The following SOX5 variants were observed in gnomAD, a reference collection of about 807,000 sequenced individuals.
The protein encoded by SOX5 is SRY-box transcription factor 5, also known as transcription factor SOX-5.
Under a neutral mutation model 92.0 loss-of-function variants are expected in SOX5, and 9 were observed. The ratio of observed to expected loss-of-function variants is 0.10; its 90% CI spans 0.06 to 0.17. The LOEUF (loss-of-function observed/expected upper bound fraction) is 0.17. SOX5 is among the 10% of genes least tolerant of loss of function. SOX5 has a pLI of 1.00. For missense variants in SOX5, 642 were observed against 944.5 expected (o/e 0.68, Z 4.20); for synonymous variants, 344 against 336.3 (o/e 1.02, Z -0.25).
At chr12:23,765,614 A>G (rs2094701435) in intron 3 of SOX5, among the ~76,000 whole-genome samples, 1 of 152,028 alleles carries the variant, frequency 6.6e-6, no homozygotes, top group African/African-American at 2.4e-5. Context: ...AAAATTAGTT[A>G]TGTATAATCT....
chr12:23,904,615 T>C (rs1248512828), intron 1 of SOX5, among the ~76,000 whole-genome samples: 1 of 152,200 alleles, frequency 6.6e-6, no homozygotes, highest in Non-Finnish European at 1.5e-5. Context: ...AATCTGAGTT[T>C]ATACAAAATA....
At chr12:23,789,243 A>G (rs1231526562) in intron 3 of SOX5, among the ~76,000 whole-genome samples, 1 of 152,080 alleles carries the variant, frequency 6.6e-6, no homozygotes, top group Admixed American at 6.5e-5. Flanking sequence ...TAAAAAAAAA[A>G]AACATTAAAT....
intron 1 of SOX5, among the ~76,000 whole-genome samples, chr12:24,423,259 A>T (rs1178549973): frequency 1.3e-5 from 2 of 152,218 alleles, no homozygotes; most frequent in South Asian, 2.1e-4. Flanking sequence ...TGTTGGTGAC[A>T]TTTATAAAGT....
rs143413316 is a variant in SOX5, at chr12:23,552,370, C to T, written c.1489-5946G>A. ...TTTTAATAGGTGTTGGAATGCAGACCGGGGAAACTCAATGATAATAATTGC... is the reference window on the plus strand; with the variant it reads ...TTTTAATAGGTGTTGGAATGCAGACTGGGGAAACTCAATGATAATAATTGC... On this transcript the variant is annotated intron_variant, in intron 11 of 14. Transcript: ENST00000451604. Among the ~76,000 whole-genome samples the T allele has an allele frequency of 2.7e-3, 415 of 151,452 alleles. 1 individual carries two copies. The highest frequency in any genetic ancestry group is 8.9e-3 in the African/African-American group (367 of 41,342).
At chr12:23,983,607 A>G (rs1253128199) in intron 4 of SOX5, among the ~76,000 whole-genome samples, 1 of 152,204 alleles carries the variant, frequency 6.6e-6, no homozygotes, top group African/African-American at 2.4e-5. Flanking sequence ...AATATCTTGA[A>G]AGCATAAATC....
At chr12:23,590,661 T>C (rs993967136) in intron 9 of SOX5, among the ~76,000 whole-genome samples, 1 of 152,084 alleles carries the variant, frequency 6.6e-6, no homozygotes, top group Admixed American at 6.6e-5. Flanking sequence ...GTACTGTGTG[T>C]TAATTGCTGT....
intron 1 of SOX5, among the ~76,000 whole-genome samples, chr12:24,433,578 G>A (rs1938796474): frequency 6.6e-6 from 1 of 152,052 alleles, no homozygotes; most frequent in South Asian, 2.1e-4. Context: ...GAAAACTGAG[G>A]GGGAAAAAAT....
intron 3 of SOX5, among the ~76,000 whole-genome samples, chr12:24,236,213 G>C (rs1167181456): frequency 6.6e-6 from 1 of 151,544 alleles, no homozygotes; most frequent in Non-Finnish European, 1.5e-5. Flanking sequence ...TAAATAAATA[G>C]ATAAATAAAA....
At chr12:23,991,567 A>T (rs2136266789) in intron 4 of SOX5, among the ~76,000 whole-genome samples, 1 of 152,198 alleles carries the variant, frequency 6.6e-6, no homozygotes, top group African/African-American at 2.4e-5. Context: ...ATTCAAAACT[A>T]CAAATAACGA....
At chr12:23,599,078 T>C (rs932833877) in intron 9 of SOX5, among the ~76,000 whole-genome samples, 1 of 152,242 alleles carries the variant, frequency 6.6e-6, no homozygotes, top group Admixed American at 6.5e-5. Context: ...CGTGAAACTA[T>C]GTGATTGGTA....
Position 24,120,735 on chromosome 12 carries a change from T to C in SOX5, c.-2+92608A>G, listed in dbSNP as rs527606547. Among the ~76,000 whole-genome samples, 4 of 152,362 alleles carry C rather than the reference T, an allele frequency of 2.6e-5. No individual in the cohort carries two copies. In the South Asian group the frequency reaches 8.3e-4, roughly 32 times the overall value. On this transcript the variant is annotated intron_variant, in intron 4 of 4. Transcript: ENST00000446891. ...AATACACTATATCTGTAACTTTTTC[T>C]TATGGCAGAGAATTGAAATGGATGA...
intron 6 of SOX5, among the ~76,000 whole-genome samples, chr12:23,667,691 G>A (rs1047011814): frequency 1.3e-5 from 2 of 152,074 alleles, no homozygotes; most frequent in Non-Finnish European, 2.9e-5. Flanking sequence ...GGAGATAAAG[G>A]AACTGAAAGA....
chr12:24,168,482 A>G (rs1181915160), intron 4 of SOX5, among the ~76,000 whole-genome samples: 3 of 152,194 alleles, frequency 2.0e-5, no homozygotes, highest in East Asian at 3.8e-4. Context: ...TTCAATAGAG[A>G]TACTAAAATA....
chr12:23,581,777 G>C (rs1398806264), intron 9 of SOX5, among the ~76,000 whole-genome samples: 2 of 152,054 alleles, frequency 1.3e-5, no homozygotes, highest in Non-Finnish European at 2.9e-5. Flanking sequence ...ATAGATTTAA[G>C]TGGAAGTGTG....
intron 1 of SOX5, among the ~76,000 whole-genome samples, chr12:23,937,416 T>A (rs1949968388): frequency 6.6e-6 from 1 of 150,966 alleles, no homozygotes; most frequent in African/African-American, 2.4e-5. Context: ...CATAGCATGA[T>A]TTTCCTTTAC....
chr12:24,546,916 G>A (rs575936261), intron 1 of SOX5, among the ~76,000 whole-genome samples: 1 of 152,242 alleles, frequency 6.6e-6, no homozygotes, highest in Admixed American at 6.5e-5. Flanking sequence ...ACTTTGGAAG[G>A]CTTGGACATA....
intron 2 of SOX5, among the ~76,000 whole-genome samples, chr12:24,308,726 C>A (rs1008891299): frequency 6.6e-6 from 1 of 152,196 alleles, no homozygotes; most frequent in African/African-American, 2.4e-5. Flanking sequence ...CAAAAAACTT[C>A]CCAGCACACC....
At chr12:23,924,153 C>G (rs1939276577) in intron 1 of SOX5, among the ~76,000 whole-genome samples, 1 of 152,148 alleles carries the variant, frequency 6.6e-6, no homozygotes, top group Non-Finnish European at 1.5e-5. Context: ...GTATGTTAGA[C>G]TAGCTAAGTG....
intron 4 of SOX5, among the ~76,000 whole-genome samples, chr12:23,970,841 A>ATATATTTT: frequency 9.1e-5 from 2 of 21,870 alleles, no homozygotes; most frequent in Non-Finnish European, 2.1e-4. Flanking sequence ...TATATATATA[A>ATATATTTT]TTTTTTTTTT....
Sources: gnomAD v4.1 joint callset for allele counts (sites outside exome capture counted in the v4.1 genomes callset) on GRCh38, gnomAD v4.1.1 for gene constraint, MANE v1.5 for transcripts, NCBI Gene and HGNC (gene_info 2026-07-23, HGNC 2026-07-21) for gene names.